The following SMAD5 variants were observed in gnomAD, a reference collection of about 807,000 sequenced individuals.
SMAD5 encodes the protein MAD, mothers against decapentaplegic homolog 5.
A neutral mutation model predicts 43.1 loss-of-function variants in SMAD5; 9 were observed. The observed-to-expected ratio is 0.21, with a 90% CI of 0.13 to 0.36. The LOEUF (loss-of-function observed/expected upper bound fraction) is 0.36. Among genes scored for constraint, SMAD5 ranks in the 10% least tolerant of loss-of-function variants. SMAD5 has a pLI of 1.00. For missense variants in SMAD5, 348 were observed against 574.0 expected, an observed-to-expected ratio of 0.61 and a Z score of 4.02; for synonymous variants, 190 against 192.4, an observed-to-expected ratio of 0.99 and a Z score of 0.10.
chr5:136,153,662 C>A lies in SMAD5; in HGVS notation c.-99C>A. The A allele has an allele frequency of 1.1e-6, 1 of 947,660 alleles. No individual in the cohort carries two copies. The highest frequency in any genetic ancestry group is 1.6e-6 in the Non-Finnish European group (1 of 637,892). 58.7% of individuals were successfully genotyped at this position (947,660 alleles called of 1,614,324 possible). ...GTTACTCCTCCCTTTTTAATTGGAA[C>A]TTCTGCTTAGGACCTGTGTATGACG... On this transcript the variant is annotated 5_prime_UTR_variant, in exon 3 of 8. Coordinates refer to ENST00000545279, the MANE Select transcript of SMAD5 (RefSeq NM_005903.7).
intron 3 of SMAD5, among the ~76,000 whole-genome samples, chr5:136,156,437 A>C (rs1753638710): frequency 6.6e-6 from 1 of 152,180 alleles, no homozygotes; most frequent in Non-Finnish European, 1.5e-5. Flanking sequence ...TGGTAAAAAG[A>C]CTGAAAATAA....
At chr5:136,143,960 T>G (rs2149762029) in intron 1 of SMAD5, among the ~76,000 whole-genome samples, 1 of 152,194 alleles carries the variant, frequency 6.6e-6, no homozygotes, top group Non-Finnish European at 1.5e-5. Flanking sequence ...CACTTTCCAG[T>G]TATACTGTTC....
intron 1 of SMAD5, among the ~76,000 whole-genome samples, chr5:136,146,778 ATTTTAC>A (rs1753270488): frequency 6.6e-6 from 1 of 151,806 alleles, no homozygotes; most frequent in Non-Finnish European, 1.5e-5. Flanking sequence ...CAGTTTAACA[ATTTTAC>A]TTTTACTATA....
Position 136,182,180 on chromosome 5 carries a change from G to A in SMAD5, c.*4700G>A, listed in dbSNP as rs1199638554. 1 of 151,426 alleles carries A rather than the reference G, an allele frequency of 6.6e-6. No individual in the cohort carries two copies. The highest frequency in any genetic ancestry group is 2.1e-4 in the South Asian group (1 of 4,798). The allele number at this position is 151,426 out of a possible 1,614,324, so 9.4% of individuals were successfully genotyped here. ...GTGCCTTCTTAATTAATACAGACTG[G>A]TGTTAGCTATAACAAAACTCCAGTA... On this transcript the variant is annotated 3_prime_UTR_variant, in exon 8 of 8. Coordinates refer to ENST00000545279, the MANE Select transcript of SMAD5 (RefSeq NM_005903.7).
intron 6 of SMAD5, among the ~76,000 whole-genome samples, 179 bp from the exon 7 acceptor site, chr5:136,174,193 TGCAG>T (rs1754326081): frequency 6.6e-6 from 1 of 152,202 alleles, no homozygotes; most frequent in Admixed American, 6.5e-5. Flanking sequence ...CTCTTGTAGA[TGCAG>T]GCAGACATTA....
chr5:136,175,517 A>G lies in SMAD5; in HGVS notation c.1254+885A>G, dbSNP rs374766094. ...TTCAAAGGAACTTTTCAAGTTTTTC[A>G]TCTACTCTCTTCACCTGACTGTATT... On this transcript the variant is annotated intron_variant, in intron 7 of 7. Transcript: ENST00000545279. Among the ~76,000 whole-genome samples, 24 of 152,284 alleles carry G rather than the reference A, an allele frequency of 1.6e-4. 1 individual carries two copies. In the South Asian group the frequency reaches 4.8e-3, roughly 30 times the overall value.
chr5:136,145,274 C>T (rs1370676302), intron 1 of SMAD5, among the ~76,000 whole-genome samples: 2 of 151,760 alleles, frequency 1.3e-5, no homozygotes, highest in East Asian at 3.9e-4. Context: ...TCAGTGTGGA[C>T]ATTGTTTTAA....
intron 5 of SMAD5, 142 bp downstream of exon 5, chr5:136,163,533 G>A: frequency 1.8e-6 from 1 of 548,664 alleles, no homozygotes; most frequent in South Asian, 3.7e-5. Context: ...CAAAGATTTT[G>A]GTAAATACAC....
intron 4 of SMAD5, 125 bp from the exon 5 acceptor site, chr5:136,163,147 T>C (rs973476333): frequency 1.3e-6 from 1 of 747,558 alleles, no homozygotes; most frequent in Admixed American, 3.2e-5. Flanking sequence ...GATAGTATCC[T>C]ACATTTTTTT....
chr5:136,174,300 T>G, intron 6 of SMAD5, 76 bp from the exon 7 acceptor site: 9 of 1,400,136 alleles, frequency 6.4e-6, no homozygotes, highest in Non-Finnish European at 9.0e-6. Flanking sequence ...TGGGTACTTT[T>G]GTTGCACCAT....
At chr5:136,163,731 T>A (rs1015579185) in intron 5 of SMAD5, among the ~76,000 whole-genome samples, 6 of 152,246 alleles carry the variant, frequency 3.9e-5, no homozygotes, top group African/African-American at 1.2e-4. Flanking sequence ...AATGTAGTCT[T>A]CTTTCACTTA....
chr5:136,151,536 G>T (rs1274289925), intron 2 of SMAD5, among the ~76,000 whole-genome samples: 1 of 152,048 alleles, frequency 6.6e-6, no homozygotes, highest in Non-Finnish European at 1.5e-5. Context: ...AATGCAATTA[G>T]GTAGGATAAT....
At chr5:136,174,673 G>GC in intron 7 of SMAD5, 41 bp downstream of exon 7, 3 of 1,429,656 alleles carry the variant, frequency 2.1e-6, no homozygotes, top group South Asian at 2.4e-5. Context: ...CACTATAAAT[G>GC]TGTATATTAT....
intron 1 of SMAD5, among the ~76,000 whole-genome samples, chr5:136,135,254 G>T (rs1364186707): frequency 6.6e-6 from 1 of 152,178 alleles, no homozygotes; most frequent in Non-Finnish European, 1.5e-5. Flanking sequence ...ATTATTAAAA[G>T]TTGCATTCTG....
chr5:136,149,603 C>T (rs964910102), intron 2 of SMAD5, among the ~76,000 whole-genome samples: 2 of 151,566 alleles, frequency 1.3e-5, no homozygotes, highest in African/African-American at 4.8e-5. Context: ...TTTTCTCATC[C>T]AGTGGCTATT....
intron 6 of SMAD5, 97 bp from the exon 7 acceptor site, chr5:136,174,279 C>T (rs1729487470): frequency 2.7e-6 from 3 of 1,128,280 alleles, no homozygotes; most frequent in Non-Finnish European, 3.9e-6. Flanking sequence ...TGGAAGTTTG[C>T]TGTGGATTAA....
intron 3 of SMAD5, among the ~76,000 whole-genome samples, chr5:136,160,320 C>T (rs898584348): frequency 6.6e-6 from 1 of 152,100 alleles, no homozygotes; most frequent in African/African-American, 2.4e-5. Flanking sequence ...GTTTTTAGGG[C>T]ATTCACATAA....
intron 6 of SMAD5, 129 bp downstream of exon 6, chr5:136,172,784 G>C: frequency 1.5e-6 from 1 of 660,848 alleles, no homozygotes; most frequent in Admixed American, 2.6e-5. Flanking sequence ...TTAAGTTGCC[G>C]ATATTGAAGA....
chr5:136,151,798 A>G (rs1320581387), intron 2 of SMAD5, among the ~76,000 whole-genome samples: 2 of 151,882 alleles, frequency 1.3e-5, no homozygotes, highest in Non-Finnish European at 2.9e-5. Context: ...GTCTGCCTAT[A>G]TATATATTTT....
Sources: gnomAD v4.1 joint callset for allele counts (sites outside exome capture counted in the v4.1 genomes callset) on GRCh38, gnomAD v4.1.1 for gene constraint, MANE v1.5 for transcripts, NCBI Gene and HGNC (gene_info 2026-07-23, HGNC 2026-07-21) for gene names.